Variants in EDNRA observed in about 807,000 individuals in gnomAD.
EDNRA encodes endothelin-1 receptor.
In EDNRA, 11 loss-of-function variants were observed where a neutral mutation model predicts 41.4. The observed-to-expected ratio is 0.27, with a 90% CI of 0.17 to 0.44. The LOEUF is 0.44. Ranked by LOEUF, EDNRA falls within the 20% of genes least tolerant of loss-of-function variation. The pLI is 1.00. For missense variants in EDNRA, 294 were observed against 531.0 expected, an observed-to-expected ratio of 0.55 and a Z score of 4.39; for synonymous variants, 172 against 183.0, an observed-to-expected ratio of 0.94 and a Z score of 0.49.
At chr4:147,542,371 GA>G (rs1731134722) in intron 7 of EDNRA, 106 bp from the exon 8 acceptor site, 1 of 1,494,146 alleles carries the variant, frequency 6.7e-7, no homozygotes, top group Admixed American at 1.9e-5. Context: ...CACTTCCCTC[GA>G]ATGCGAATGG....
Position 147,542,815 on chromosome 4 carries a change from T to C in EDNRA, c.*197T>C. ...ACATCTACGAATCGTACTTCTTTAA[T>C]TGATCTAATTTACATATTCTGCGTG... On this transcript the variant is annotated 3_prime_UTR_variant, in exon 8 of 8. Transcript: ENST00000651419. 2 of 608,434 alleles carry C rather than the reference T, an allele frequency of 3.3e-6. No individual in the cohort carries two copies. The highest frequency in any genetic ancestry group is 5.4e-5 in the South Asian group (2 of 37,152). The allele number at this position is 608,434 out of a possible 1,614,324, so 37.7% of individuals were successfully genotyped here. A position where few individuals can be genotyped will look rare whatever the true frequency, so the allele number is the denominator to read the frequency against.
chr4:147,515,864 T>C (rs931283568), intron 2 of EDNRA, among the ~76,000 whole-genome samples: 2 of 152,190 alleles, frequency 1.3e-5, no homozygotes, highest in Non-Finnish European at 2.9e-5. Flanking sequence ...CAGTGTATCA[T>C]ATGGTACAAG....
At position 147,519,777 on chromosome 4, in the gene EDNRA, TA is replaced by T; in HGVS notation, c.421-72del. The T allele has an allele frequency of 6.6e-7, 1 of 1,526,594 alleles. No homozygotes were observed. Among genetic ancestry groups the T allele is most frequent in the Non-Finnish European group, 8.8e-7 (1 of 1,131,816 alleles). 94.6% of individuals were successfully genotyped at this position (1,526,594 alleles called of 1,614,324 possible). ...AATAAAATTTAGAAGTTGGGACGCA[TA>T]ACTAAAACTGTAAGTGCCCACATGC... is the stretch of plus-strand genomic sequence containing the variant. On this transcript the variant is annotated intron_variant, in intron 2 of 7. Transcript: ENST00000651419. This position sits in a 1 kb window ranked among gnomAD's most constrained non-coding sequence, Gnocchi z 4.1.
At chr4:147,504,433 A>G (rs886660694) in intron 2 of EDNRA, among the ~76,000 whole-genome samples, 13 of 152,140 alleles carry the variant, frequency 8.5e-5, no homozygotes, top group African/African-American at 3.1e-4. Flanking sequence ...ATTTAATTAC[A>G]TAATATCAAA....
intron 2 of EDNRA, chr4:147,488,453 C>T (rs1267223426): frequency 2.0e-5 from 3 of 152,186 alleles, no homozygotes; most frequent in African/African-American, 7.2e-5. Flanking sequence ...CTTTGTATAC[C>T]TTACTGTAGT....
chr4:147,498,592 C>G (rs143720558), intron 2 of EDNRA, among the ~76,000 whole-genome samples: 1 of 152,274 alleles, frequency 6.6e-6, no homozygotes, highest in East Asian at 1.9e-4. Flanking sequence ...CCATATGGCC[C>G]AGAAAGCCTA....
At chr4:147,507,460 C>G (rs1382256837) in intron 2 of EDNRA, among the ~76,000 whole-genome samples, 1 of 152,160 alleles carries the variant, frequency 6.6e-6, no homozygotes, top group Non-Finnish European at 1.5e-5. Context: ...CTATATTACT[C>G]CATTTATATA....
At chr4:147,531,777 C>G (rs956337459) in intron 3 of EDNRA, 2 of 152,464 alleles carry the variant, frequency 1.3e-5, no homozygotes, top group Non-Finnish European at 2.9e-5. Context: ...GAGGCCAAGG[C>G]GGTCAGATCA....
chr4:147,510,370 A>C (rs1424264077), intron 2 of EDNRA, among the ~76,000 whole-genome samples: 1 of 152,214 alleles, frequency 6.6e-6, no homozygotes, highest in Non-Finnish European at 1.5e-5. Context: ...GAGATACAAC[A>C]TATATCAAAC....
At chr4:147,503,733 T>G (rs891465160) in intron 2 of EDNRA, among the ~76,000 whole-genome samples, 1 of 152,200 alleles carries the variant, frequency 6.6e-6, no homozygotes, top group African/African-American at 2.4e-5. Flanking sequence ...AAACACAGTA[T>G]TAATCTAGAT....
At chr4:147,535,498 A>G (rs562549195) in intron 4 of EDNRA, among the ~76,000 whole-genome samples, 1 of 152,346 alleles carries the variant, frequency 6.6e-6, no homozygotes, top group Admixed American at 6.5e-5. Flanking sequence ...AGGTTCATCC[A>G]GAAATAAAGA....
At chr4:147,501,964 T>C (rs1729531106) in intron 2 of EDNRA, among the ~76,000 whole-genome samples, 1 of 152,244 alleles carries the variant, frequency 6.6e-6, no homozygotes, top group African/African-American at 2.4e-5. Flanking sequence ...TCTTGCACTC[T>C]CATTAGCAAC....
At chr4:147,512,536 C>A (rs1385503173) in intron 2 of EDNRA, among the ~76,000 whole-genome samples, 1 of 152,232 alleles carries the variant, frequency 6.6e-6, no homozygotes, top group Non-Finnish European at 1.5e-5. Context: ...GAAGCAGTTC[C>A]TCAGAATCCA....
intron 3 of EDNRA, among the ~76,000 whole-genome samples, chr4:147,522,815 A>G (rs1468584317): frequency 6.6e-6 from 1 of 152,248 alleles, no homozygotes; most frequent in African/African-American, 2.4e-5. Context: ...CCCGTGACAC[A>G]GCCTCAGGAG....
intron 2 of EDNRA, among the ~76,000 whole-genome samples, chr4:147,515,258 A>G (rs1730076148): frequency 6.6e-6 from 1 of 152,094 alleles, no homozygotes; most frequent in East Asian, 1.9e-4. Flanking sequence ...GTACATTGCA[A>G]AATGTTTAGC....
rs755485004 is a variant in EDNRA at position 147,542,626 on chromosome 4, T to A, written c.*8T>A. On this transcript the variant is annotated 3_prime_UTR_variant, in exon 8 of 8. Transcript: ENST00000651419. ...AAGGACAGCATGAACTGACCACCCT[T>A]AGAAGCACTCCTCGGTACTCCCATA... 1 of 1,613,296 alleles carries A rather than the reference T, an allele frequency of 6.2e-7. No homozygotes were observed. The highest frequency in any genetic ancestry group is 8.5e-7 in the Non-Finnish European group (1 of 1,179,744).
rs199942669 is a variant in EDNRA at position 147,532,713 on chromosome 4, C to T, written c.747+9C>T. On this transcript the variant is annotated intron_variant, in intron 4 of 7. Coordinates refer to ENST00000651419, the MANE Select transcript of EDNRA (RefSeq NM_001957.4). Reference sequence around the variant, plus strand: ...CATCAAAATTCATGGAGGTACTAAACGTTTAAAAGGAATTAACTGGGGAAG... The same window carrying T: ...CATCAAAATTCATGGAGGTACTAAATGTTTAAAAGGAATTAACTGGGGAAG... 6.2e-7 allele frequency: 1 copy of T among 1,613,504 alleles called. No homozygotes were observed. The highest frequency in any genetic ancestry group is 8.5e-7 in the Non-Finnish European group (1 of 1,179,658).
chr4:147,499,717 A>G (rs1322153845), intron 2 of EDNRA, among the ~76,000 whole-genome samples: 4 of 152,184 alleles, frequency 2.6e-5, no homozygotes, highest in African/African-American at 9.7e-5. Context: ...TAAGAAAAAG[A>G]AAAAGGAAAA....
At position 147,519,920 on chromosome 4, in the gene EDNRA, T is replaced by C; in HGVS notation, c.490T>C (p.Leu164=). 1 of 1,613,754 alleles carries C rather than the reference T, an allele frequency of 6.2e-7. No homozygotes were observed. The highest frequency in any genetic ancestry group is 2.2e-5 in the East Asian group (1 of 44,862). ...GVFLCKLFPF[L]QKSSVGITVL... is the part of the protein sequence containing the mutation. ...ATTTCTTTGCAAGCTGTTCCCCTTT[T>C]TGCAGAAGTCCTCGGTGGGGATCAC... The change falls in exon 3 of 8, where the codon TTG becomes CTG. Residue 164 remains leucine, a synonymous_variant. Coordinates refer to ENST00000651419, the MANE Select transcript of EDNRA (RefSeq NM_001957.4). The surrounding 1 kb of genome is among the most constrained non-coding windows in gnomAD (Gnocchi z 4.1).
Sources: allele counts gnomAD v4.1 joint callset (sites outside exome capture counted in the v4.1 genomes callset), GRCh38; gene constraint gnomAD v4.1.1; non-coding constraint Gnocchi (gnomAD v3.1); transcripts MANE v1.5; gene names NCBI Gene and HGNC (gene_info 2026-07-23, HGNC 2026-07-21).